The following GJD3 variants were observed in gnomAD, a reference collection of about 807,000 sequenced individuals.
GJD3 encodes gap junction delta-3 protein.
For missense variants in GJD3, 421 were observed against 448.5 expected, an observed-to-expected ratio of 0.94 and a Z score of 0.55; for synonymous variants, 217 against 226.7, an observed-to-expected ratio of 0.96 and a Z score of 0.38.
Position 40,364,580 on chromosome 17 carries a change from C to T in GJD3, c.-765G>A, listed in dbSNP as rs1412816262. ...ACAGGTCCCCACACGCCCCTGGTGC[C>T]CCTAAACCGCCACCCAACCCCACTC... On this transcript the variant is annotated 5_prime_UTR_variant, in exon 1 of 1. Coordinates refer to ENST00000578689, the MANE Select transcript of GJD3 (RefSeq NM_152219.4). 2 of 167,158 alleles carry T rather than the reference C, an allele frequency of 1.2e-5. No individual in the cohort carries two copies. The highest frequency in any genetic ancestry group is 6.5e-5 in the Admixed American group (1 of 15,294). The allele number at this position is 167,158 out of a possible 1,614,324, so 10.4% of individuals were successfully genotyped here. A position where few individuals can be genotyped will look rare whatever the true frequency, so the allele number is the denominator to read the frequency against.
rs2034760368 is a variant in GJD3, at chr17:40,362,447, G to C, written c.*484C>G. Among the ~76,000 whole-genome samples, 1 of 152,112 alleles carries C rather than the reference G, an allele frequency of 6.6e-6. No homozygotes were observed. Among genetic ancestry groups the C allele is most frequent in the African/African-American group, 2.4e-5 (1 of 41,424 alleles). ...CGCGCACATGCACAGCGCTCACACA[G>C]GGTGTACAGGTGCGCGTGCACACAG... On this transcript the variant is annotated 3_prime_UTR_variant, in exon 1 of 1. Transcript: ENST00000578689.
chr17:40,363,161 G>T lies in GJD3; in HGVS notation c.655C>A (p.Arg219Ser), dbSNP rs1300536385. Residue 219 changes from arginine to serine, a missense_variant, in exon 1 of 1, where the codon CGC becomes AGC. Physicochemically the swap from Arg to Ser is moderately radical, Grantham distance 110. Transcript: ENST00000578689. The surrounding 1 kb of genome is among the most constrained non-coding windows in gnomAD (Gnocchi z 5.5). ...CAGCGGTTGTCACGCTCCCCGGCGC[G>T]CGGGCGGCCCTTCCAGAGCAGGTGG... ...LGHLLWKGRP[R>S]AGERDNRCNR... 24 of 1,419,996 alleles carry T rather than the reference G, an allele frequency of 1.7e-5. No homozygotes were observed. The highest frequency in any genetic ancestry group is 2.2e-5 in the Non-Finnish European group (24 of 1,084,482). 88.0% of individuals were successfully genotyped at this position (1,419,996 alleles called of 1,614,324 possible).
chr17:40,362,995 C>G lies in GJD3; in HGVS notation c.821G>C (p.Arg274Pro), dbSNP rs938604257. ...CTTGCCGCGGCCGCTGCCGCACTCG[C>G]GGAGGCTGGCCGGCGCCGGGTGCGC... is the stretch of plus-strand genomic sequence containing the variant. ...AYAHPAPASL[R>P]ECGSGRGKAS... is the part of the protein sequence containing the mutation. Residue 274 changes from arginine to proline, a missense_variant, in exon 1 of 1, where the codon CGC becomes CCC. Transcript: ENST00000578689. 3.1e-5 allele frequency: 38 copies of G among 1,218,178 alleles called. No homozygotes were observed. The highest frequency in any genetic ancestry group is 3.1e-4 in the Middle Eastern group (1 of 3,184). The allele number at this position is 1,218,178 out of a possible 1,614,324, so 75.5% of individuals were successfully genotyped here. A position where few individuals can be genotyped will look rare whatever the true frequency, so the allele number is the denominator to read the frequency against.
chr17:40,362,189 T>G lies in GJD3; in HGVS notation c.*742A>C, dbSNP rs969778729. 2.0e-5 allele frequency among the ~76,000 whole-genome samples: 3 copies of G among 152,116 alleles called. No individual in the cohort carries two copies. Among genetic ancestry groups the G allele is most frequent in the East Asian group, 1.9e-4 (1 of 5,188 alleles). On this transcript the variant is annotated 3_prime_UTR_variant, in exon 1 of 1. Transcript: ENST00000578689. ...GTGCACACACAGAGGTCACGCCGGA[T>G]GTACACATGCACACATAGCGCACAA...
In GJD3 at chr17:40,362,969, C is replaced by A. The variant is rs1436451091; in HGVS notation, c.847G>T (p.Ala283Ser). The A allele has an allele frequency of 8.1e-7, 1 of 1,240,544 alleles. No individual in the cohort carries two copies. Among genetic ancestry groups the A allele is most frequent in the Non-Finnish European group, 1.0e-6 (1 of 990,106 alleles). 76.8% of individuals were successfully genotyped at this position (1,240,544 alleles called of 1,614,324 possible). The change falls in exon 1 of 1, where the codon GCG becomes TCG. Residue 283 changes from alanine (A) to serine (S), a missense_variant. Ala to Ser is a moderately conservative substitution (Grantham distance 99). Coordinates refer to ENST00000578689, the MANE Select transcript of GJD3 (RefSeq NM_152219.4). Reference sequence around the variant, plus strand: ...TCTCGGCGGCCGGTGGCCGGTGACGCCTTGCCGCGGCCGCTGCCGCACTCG... The same window carrying A: ...TCTCGGCGGCCGGTGGCCGGTGACGACTTGCCGCGGCCGCTGCCGCACTCG... ...LRECGSGRGK[A>S]SPATGRRDLA...
chr17:40,363,573 G>T lies in GJD3; in HGVS notation c.243C>A (p.His81Gln). The T allele has an allele frequency of 6.3e-7, 1 of 1,594,958 alleles. No homozygotes were observed. Among genetic ancestry groups the T allele is most frequent in the Non-Finnish European group, 8.5e-7 (1 of 1,171,470 alleles). ...PVSHYRFWLFHILLLSAPPVL... is the reference protein window; with the variant it reads ...PVSHYRFWLFQILLLSAPPVL... ...CCGGGGGCGCCGAGAGCAGCAGGATGTGGAAGAGCCAGAAGCGGTAGTGGG... is the reference window on the plus strand; with the variant it reads ...CCGGGGGCGCCGAGAGCAGCAGGATTTGGAAGAGCCAGAAGCGGTAGTGGG... The change falls in exon 1 of 1, where the codon CAC becomes CAA. Residue 81 changes from histidine (H) to glutamine (Q), a missense_variant. His to Gln is a conservative substitution (Grantham distance 24). Coordinates refer to ENST00000578689, the MANE Select transcript of GJD3 (RefSeq NM_152219.4). The surrounding 1 kb of genome is among the most constrained non-coding windows in gnomAD (Gnocchi z 5.5).
In GJD3 at chr17:40,363,350, GC is replaced by G. The variant is rs1336984798; in HGVS notation, c.465del (p.Leu156CysfsTer26). ...GGGGCCACGCGGAAGCCGTAGAGCA[GC>G]GCCTGGCCGCCCAGGAAGGTCAGCT... The part of the protein sequence containing the change: ...LAELTFLGGQ[A>X]LLYGFRVAPH... On this transcript the variant is annotated frameshift_variant, in exon 1 of 1. Transcript: ENST00000578689. LOFTEE classifies it low-confidence loss of function (END_TRUNC). The surrounding 1 kb of genome is among the most constrained non-coding windows in gnomAD (Gnocchi z 5.5). 7.1e-7 allele frequency: 1 copy of G among 1,412,654 alleles called. No individual in the cohort carries two copies. Among genetic ancestry groups the G allele is most frequent in the Non-Finnish European group, 9.2e-7 (1 of 1,081,234 alleles). The allele number at this position is 1,412,654 out of a possible 1,614,324, so 87.5% of individuals were successfully genotyped here. A position where few individuals can be genotyped will look rare whatever the true frequency, so the allele number is the denominator to read the frequency against.
At position 40,363,015 on chromosome 17, in the gene GJD3, G is replaced by A. The variant is rs2034766452; in HGVS notation, c.801C>T (p.His267=). Reference sequence around the variant, plus strand: ...ACTCGCGGAGGCTGGCCGGCGCCGGGTGCGCATAGGCCGGCGGGGCGCACG... The same window carrying A: ...ACTCGCGGAGGCTGGCCGGCGCCGGATGCGCATAGGCCGGCGGGGCGCACG... ...PEPCAPPAYA[H]PAPASLRECG... Residue 267 remains histidine, a synonymous_variant, in exon 1 of 1, where the codon CAC becomes CAT. Transcript: ENST00000578689. This position sits in a 1 kb window ranked among gnomAD's most constrained non-coding sequence, Gnocchi z 5.5. 1.7e-6 allele frequency: 2 copies of A among 1,211,346 alleles called. No homozygotes were observed. Among genetic ancestry groups the A allele is most frequent in the South Asian group, 3.7e-5 (1 of 26,998 alleles). 75.0% of individuals were successfully genotyped at this position (1,211,346 alleles called of 1,614,324 possible).
In GJD3 at chr17:40,360,917, A is replaced by G. The variant is rs2034746851; in HGVS notation, c.*2014T>C. On this transcript the variant is annotated 3_prime_UTR_variant, in exon 1 of 1. Transcript: ENST00000578689. ...ACCATAGCATGGATAGTGTTCGGGC[A>G]TGGCAGTGGTGTAGGCCTGGGGACA... is the stretch of plus-strand genomic sequence containing the variant. 1 of 441,944 alleles carries G rather than the reference A, an allele frequency of 2.3e-6. No individual in the cohort carries two copies. Among genetic ancestry groups the G allele is most frequent in the African/African-American group, 2.0e-5 (1 of 49,732 alleles). The allele number at this position is 441,944 out of a possible 1,614,324, so 27.4% of individuals were successfully genotyped here. A position where few individuals can be genotyped will look rare whatever the true frequency, so the allele number is the denominator to read the frequency against.
rs2034765956 is a variant in GJD3 at position 40,362,991 on chromosome 17, C to T, written c.825G>A (p.Glu275=). The change falls in exon 1 of 1, where the codon GAG becomes GAA. Residue 275 remains glutamate (E), a synonymous_variant. Coordinates refer to ENST00000578689, the MANE Select transcript of GJD3 (RefSeq NM_152219.4). ...ACGCCTTGCCGCGGCCGCTGCCGCACTCGCGGAGGCTGGCCGGCGCCGGGT... is the reference window on the plus strand; with the variant it reads ...ACGCCTTGCCGCGGCCGCTGCCGCATTCGCGGAGGCTGGCCGGCGCCGGGT... ...YAHPAPASLR[E]CGSGRGKASP... 4 of 1,220,176 alleles carry T rather than the reference C, an allele frequency of 3.3e-6. No homozygotes were observed. Among genetic ancestry groups the T allele is most frequent in the Non-Finnish European group, 4.1e-6 (4 of 980,112 alleles). 75.6% of individuals were successfully genotyped at this position (1,220,176 alleles called of 1,614,324 possible).
In GJD3 at chr17:40,363,866, C is replaced by T. The variant is rs534231740; in HGVS notation, c.-51G>A. On this transcript the variant is annotated 5_prime_UTR_variant, in exon 1 of 1. Transcript: ENST00000578689. This position sits in a 1 kb window ranked among gnomAD's most constrained non-coding sequence, Gnocchi z 5.5. Reference sequence around the variant, plus strand: ...TCAGGGGATGGGGCAAGTCAGGGACCCCTGCCCCTTCCAAGCCTATCGGGG... The same window carrying T: ...TCAGGGGATGGGGCAAGTCAGGGACTCCTGCCCCTTCCAAGCCTATCGGGG... 5.8e-4 allele frequency: 884 copies of T among 1,516,552 alleles called. 8 individuals carry two copies. The African/African-American group carries it at 7.1e-3, about 12-fold the overall frequency. The allele number at this position is 1,516,552 out of a possible 1,614,324, so 93.9% of individuals were successfully genotyped here.
In GJD3 at chr17:40,364,024, GT is replaced by G; in HGVS notation, c.-210del. The G allele has an allele frequency of 1.6e-6, 1 of 639,454 alleles. No homozygotes were observed. Among genetic ancestry groups the G allele is most frequent in the Non-Finnish European group, 2.7e-6 (1 of 366,156 alleles). The allele number at this position is 639,454 out of a possible 1,614,324, so 39.6% of individuals were successfully genotyped here. On this transcript the variant is annotated 5_prime_UTR_variant, in exon 1 of 1. It removes the in-frame stop codon of an upstream open reading frame in the 5' UTR. Coordinates refer to ENST00000578689, the MANE Select transcript of GJD3 (RefSeq NM_152219.4). ...GGGAGCAGGCGACGCTCAGCTATGGGTTACCTTCTCTTTGGGACCGATGGGT... is the reference window on the plus strand; with the variant it reads ...GGGAGCAGGCGACGCTCAGCTATGGGTACCTTCTCTTTGGGACCGATGGGT...
At position 40,363,180 on chromosome 17, in the gene GJD3, C is replaced by T. The variant is rs2034768729; in HGVS notation, c.636G>A (p.Leu212=). The T allele has an allele frequency of 6.9e-7, 1 of 1,442,634 alleles. No individual in the cohort carries two copies. The highest frequency in any genetic ancestry group is 9.1e-7 in the Non-Finnish European group (1 of 1,096,142). The allele number at this position is 1,442,634 out of a possible 1,614,324, so 89.4% of individuals were successfully genotyped here. ...ALLSVAELGH[L]LWKGRPRAGE... ...CGGCGCGCGGGCGGCCCTTCCAGAG[C>T]AGGTGGCCCAGCTCGGCTACGCTGA... Residue 212 remains leucine, a synonymous_variant, in exon 1 of 1, where the codon CTG becomes CTA. Coordinates refer to ENST00000578689, the MANE Select transcript of GJD3 (RefSeq NM_152219.4). This position sits in a 1 kb window ranked among gnomAD's most constrained non-coding sequence, Gnocchi z 5.5.
At position 40,363,175 on chromosome 17, in the gene GJD3, C is replaced by A; in HGVS notation, c.641G>T (p.Trp214Leu). The change falls in exon 1 of 1, where the codon TGG becomes TTG. Residue 214 changes from tryptophan to leucine, a missense_variant. Trp to Leu is a moderately conservative substitution (Grantham distance 61). Coordinates refer to ENST00000578689, the MANE Select transcript of GJD3 (RefSeq NM_152219.4). This position sits in a 1 kb window ranked among gnomAD's most constrained non-coding sequence, Gnocchi z 5.5. Reference sequence around the variant, plus strand: ...CTCCCCGGCGCGCGGGCGGCCCTTCCAGAGCAGGTGGCCCAGCTCGGCTAC... The same window carrying A: ...CTCCCCGGCGCGCGGGCGGCCCTTCAAGAGCAGGTGGCCCAGCTCGGCTAC... ...LSVAELGHLLWKGRPRAGERD... is the reference protein window; with the variant it reads ...LSVAELGHLLLKGRPRAGERD... 1.4e-6 allele frequency: 2 copies of A among 1,440,594 alleles called. No individual in the cohort carries two copies. Among genetic ancestry groups the A allele is most frequent in the South Asian group, 1.3e-5 (1 of 74,458 alleles). 89.2% of individuals were successfully genotyped at this position (1,440,594 alleles called of 1,614,324 possible). A position where few individuals can be genotyped will look rare whatever the true frequency, so the allele number is the denominator to read the frequency against.
chr17:40,363,540 G>T lies in GJD3; in HGVS notation c.276C>A (p.Phe92Leu), dbSNP rs576209433. The change falls in exon 1 of 1, where the codon TTC becomes TTA. Residue 92 changes from phenylalanine (F) to leucine (L), a missense_variant. Phe to Leu is a conservative substitution (Grantham distance 22). Coordinates refer to ENST00000578689, the MANE Select transcript of GJD3 (RefSeq NM_152219.4). This position sits in a 1 kb window ranked among gnomAD's most constrained non-coding sequence, Gnocchi z 5.5. ...CTGCCCGGTGCATGGAGTAGACGAC[G>T]AACAGCACCGGGGGCGCCGAGAGCA... Reference protein sequence around the residue: ...ILLLSAPPVLFVVYSMHRAGK... With the variant: ...ILLLSAPPVLLVVYSMHRAGK... 2 of 1,572,650 alleles carry T rather than the reference G, an allele frequency of 1.3e-6. No individual in the cohort carries two copies. The highest frequency in any genetic ancestry group is 1.2e-5 in the South Asian group (1 of 85,640).
chr17:40,363,082 G>C lies in GJD3; in HGVS notation c.734C>G (p.Pro245Arg). Residue 245 changes from proline (P) to arginine (R), a missense_variant, in exon 1 of 1, where the codon CCT (proline) becomes CGT (arginine). Pro to Arg is a moderately radical substitution (Grantham distance 103). Coordinates refer to ENST00000578689, the MANE Select transcript of GJD3 (RefSeq NM_152219.4). The surrounding 1 kb of genome is among the most constrained non-coding windows in gnomAD (Gnocchi z 5.5). Reference protein sequence around the residue: ...QKLLPPPPPPPPPPALPSRRP... With the variant: ...QKLLPPPPPPRPPPALPSRRP... ...CCGGGAGGGCAGGGCCGGTGGCGGAGGTGGCGGCGGCGGCGGCGGGAGCAG... is the reference window on the plus strand; with the variant it reads ...CCGGGAGGGCAGGGCCGGTGGCGGACGTGGCGGCGGCGGCGGCGGGAGCAG... 1 of 1,267,866 alleles carries C rather than the reference G, an allele frequency of 7.9e-7. No individual in the cohort carries two copies. Among genetic ancestry groups the C allele is most frequent in the South Asian group, 2.7e-5 (1 of 36,630 alleles). The allele number at this position is 1,267,866 out of a possible 1,614,324, so 78.5% of individuals were successfully genotyped here.
In GJD3 at chr17:40,363,656, A is replaced by C; in HGVS notation, c.160T>G (p.Cys54Gly). The stretch of plus-strand genomic sequence containing the variant: ...CGACAGCCCGGCTGCAGCGTGTTGC[A>C]CACGAACTCCTCTTGCTCGTCCTCG... ...VFEDEQEEFV[C>G]NTLQPGCRQT... Residue 54 changes from cysteine to glycine, a missense_variant, in exon 1 of 1, where the codon TGC becomes GGC. Cys to Gly is a radical substitution (Grantham distance 159, BLOSUM62 -3). Coordinates refer to ENST00000578689, the MANE Select transcript of GJD3 (RefSeq NM_152219.4). This position sits in a 1 kb window ranked among gnomAD's most constrained non-coding sequence, Gnocchi z 5.5. 1.2e-6 allele frequency: 2 copies of C among 1,608,230 alleles called. No homozygotes were observed. The highest frequency in any genetic ancestry group is 1.7e-6 in the Non-Finnish European group (2 of 1,178,156).
rs552476516 is a variant in GJD3 at position 40,362,409 on chromosome 17, G to C, written c.*522C>G. On this transcript the variant is annotated 3_prime_UTR_variant, in exon 1 of 1. Coordinates refer to ENST00000578689, the MANE Select transcript of GJD3 (RefSeq NM_152219.4). ...TGTGTGCACAAGTGGGCCTCACGCA[G>C]GGTGTACACATGCGCGCACATGCAC... Among the ~76,000 whole-genome samples, 381 of 152,242 alleles carry C rather than the reference G, an allele frequency of 2.5e-3. 1 individual carries two copies. Among genetic ancestry groups the C allele is most frequent in the Non-Finnish European group, 4.6e-3 (311 of 67,992 alleles).
rs1363402573 is a variant in GJD3, at chr17:40,363,163, G to A, written c.653C>T (p.Pro218Leu). 8 of 1,422,664 alleles carry A rather than the reference G, an allele frequency of 5.6e-6. No homozygotes were observed. Among genetic ancestry groups the A allele is most frequent in the Non-Finnish European group, 7.4e-6 (8 of 1,085,700 alleles). The allele number at this position is 1,422,664 out of a possible 1,614,324, so 88.1% of individuals were successfully genotyped here. ...ELGHLLWKGR[P>L]RAGERDNRCN... ...GCGGTTGTCACGCTCCCCGGCGCGC[G>A]GGCGGCCCTTCCAGAGCAGGTGGCC... is the stretch of plus-strand genomic sequence containing the variant. Residue 218 changes from proline to leucine, a missense_variant, in exon 1 of 1, where the codon CCG becomes CTG. Coordinates refer to ENST00000578689, the MANE Select transcript of GJD3 (RefSeq NM_152219.4). The surrounding 1 kb of genome is among the most constrained non-coding windows in gnomAD (Gnocchi z 5.5).
Sources: allele counts gnomAD v4.1 joint callset (sites outside exome capture counted in the v4.1 genomes callset), GRCh38; gene constraint gnomAD v4.1.1; non-coding constraint Gnocchi (gnomAD v3.1); transcripts MANE v1.5; gene names NCBI Gene and HGNC (gene_info 2026-07-23, HGNC 2026-07-21).